CPA6: variants seen among roughly 807,000 people sequenced by gnomAD.
CPA6 encodes carboxypeptidase A6.
In CPA6, 58 loss-of-function variants were observed where a neutral mutation model predicts 63.3. The observed-to-expected ratio is 0.92, with a 90% CI of 0.74 to 1.14. CPA6 has a LOEUF of 1.14. Among genes scored for constraint, CPA6 ranks in the 50% most tolerant of loss-of-function variants. The pLI is 0.00. For synonymous variants in CPA6, 185 were observed against 179.0 expected (o/e 1.03, Z -0.27); for missense variants, 565 against 526.6 (o/e 1.07, Z -0.71).
At chr8:67,458,288 C>T (rs58751464) in intron 8 of CPA6, among the ~76,000 whole-genome samples, 9,987 of 152,122 alleles carry the variant, frequency 0.066, 732 homozygotes, top group African/African-American at 0.18. Flanking sequence ...CCTCCACCTC[C>T]CAGGTTCAAG....
At chr8:67,485,899 A>T (rs1811467137) in intron 6 of CPA6, among the ~76,000 whole-genome samples, 1 of 152,136 alleles carries the variant, frequency 6.6e-6, no homozygotes, top group African/African-American at 2.4e-5. Flanking sequence ...AATTCACCAA[A>T]CTCACACCAT....
At chr8:67,499,684 AATCTG>A (rs1811794207) in intron 6 of CPA6, among the ~76,000 whole-genome samples, 1 of 152,188 alleles carries the variant, frequency 6.6e-6, no homozygotes, top group African/African-American at 2.4e-5. Flanking sequence ...AGCAGTCACT[AATCTG>A]TTCTCCATTT....
At position 67,726,666 on chromosome 8, in the gene CPA6, CA is replaced by C. The variant is rs1344716323; in HGVS notation, c.116+19347del. Among the ~76,000 whole-genome samples, 3 of 152,156 alleles carry C rather than the reference CA, an allele frequency of 2.0e-5. No homozygotes were observed. In the East Asian group the frequency reaches 5.8e-4, roughly 29 times the overall value. Reference sequence around the variant, plus strand: ...TTTAATCATACTGTGATATTGAGACCACTGAAGAATTTCTATTTGAAAATCC... The same window carrying C: ...TTTAATCATACTGTGATATTGAGACCCTGAAGAATTTCTATTTGAAAATCC... On this transcript the variant is annotated intron_variant, in intron 1 of 10. Transcript: ENST00000297770.
intron 10 of CPA6, among the ~76,000 whole-genome samples, chr8:67,425,237 C>A (rs1809857465): frequency 6.6e-6 from 1 of 151,866 alleles, no homozygotes; most frequent in South Asian, 2.1e-4. Context: ...ATACATTTTT[C>A]CTGAAATTTA....
chr8:67,691,456 T>G (rs1816813279), intron 1 of CPA6, among the ~76,000 whole-genome samples: 1 of 152,200 alleles, frequency 6.6e-6, no homozygotes, highest in African/African-American at 2.4e-5. Flanking sequence ...CATTTTTGCC[T>G]TTCTCTTTCC....
intron 2 of CPA6, among the ~76,000 whole-genome samples, chr8:67,541,135 A>AC (rs1241878165): frequency 5.3e-5 from 8 of 151,584 alleles, no homozygotes; most frequent in African/African-American, 1.5e-4. Flanking sequence ...CCAAATGGCC[A>AC]CCCAGTTTTG....
intron 8 of CPA6, among the ~76,000 whole-genome samples, chr8:67,468,637 A>C (rs1810985329): frequency 6.6e-6 from 1 of 151,840 alleles, no homozygotes; most frequent in East Asian, 1.9e-4. Flanking sequence ...AATAATAATA[A>C]GAAAAAGAAA....
rs995834899 is a variant in CPA6, at chr8:67,624,088, A to G, written c.192+88T>C. ...CTTAGCCTTTACTTTCTTGGCTAAT[A>G]AATTCCAATTATTCAACTCCAGTCA... On this transcript the variant is annotated intron_variant, in intron 2 of 10. Transcript: ENST00000297770. 1.6e-5 allele frequency: 12 copies of G among 755,092 alleles called. No homozygotes were observed. In the Admixed American group the frequency reaches 2.8e-4, roughly 18 times the overall value. 46.8% of individuals were successfully genotyped at this position (755,092 alleles called of 1,614,324 possible). A position where few individuals can be genotyped will look rare whatever the true frequency, so the allele number is the denominator to read the frequency against.
rs886063079 is a variant in CPA6, at chr8:67,484,711, T to C, written c.715A>G (p.Asn239Asp). The C allele has an allele frequency of 6.2e-7, 1 of 1,608,532 alleles. No individual in the cohort carries two copies. Among genetic ancestry groups the C allele is most frequent in the Non-Finnish European group, 8.5e-7 (1 of 1,175,164 alleles). The change falls in exon 7 of 11, where the codon AAC becomes GAC. Residue 239 changes from asparagine (N) to aspartate (D), a missense_variant. Physicochemically the swap from Asn to Asp is conservative, Grantham distance 23. Transcript: ENST00000297770. Reference sequence around the variant, plus strand: ...CAACTAAAATGGTATCCATCGACGTTAAACACAGGCATGATATAGAAATAT... The same window carrying C: ...CAACTAAAATGGTATCCATCGACGTCAAACACAGGCATGATATAGAAATAT... ...HLYFYIMPVF[N>D]VDGYHFSWTN...
At chr8:67,709,162 C>T (rs1437738831) in intron 1 of CPA6, among the ~76,000 whole-genome samples, 2 of 152,162 alleles carry the variant, frequency 1.3e-5, no homozygotes, top group Non-Finnish European at 2.9e-5. Flanking sequence ...AGTAAGCACA[C>T]TGCGTATGCG....
chr8:67,698,889 C>T (rs1816962657), intron 1 of CPA6, among the ~76,000 whole-genome samples: 1 of 152,170 alleles, frequency 6.6e-6, no homozygotes, highest in Non-Finnish European at 1.5e-5. Context: ...CTAGTTCCAT[C>T]TTGTTTCCTG....
chr8:67,717,645 C>T (rs1817407730), intron 1 of CPA6, among the ~76,000 whole-genome samples: 1 of 152,142 alleles, frequency 6.6e-6, no homozygotes, highest in South Asian at 2.1e-4. Context: ...AGAGAATGGC[C>T]TCCCAAAAGA....
chr8:67,673,952 G>A (rs886561463), intron 1 of CPA6, among the ~76,000 whole-genome samples: 5 of 151,946 alleles, frequency 3.3e-5, no homozygotes, highest in Non-Finnish European at 7.4e-5. Flanking sequence ...AATGAAGGGA[G>A]GCTGTTTGAG....
intron 8 of CPA6, among the ~76,000 whole-genome samples, chr8:67,456,885 C>G (rs995798420): frequency 1.3e-5 from 2 of 152,192 alleles, no homozygotes; most frequent in African/African-American, 4.8e-5. Flanking sequence ...GAAGAGTGGA[C>G]AGATTCAGAG....
chr8:67,686,074 T>C (rs1292902186), intron 1 of CPA6, among the ~76,000 whole-genome samples: 1 of 152,232 alleles, frequency 6.6e-6, no homozygotes, highest in Non-Finnish European at 1.5e-5. Context: ...GAATAATGCA[T>C]AGCATATAGT....
intron 1 of CPA6, among the ~76,000 whole-genome samples, chr8:67,650,732 T>A (rs1034095026): frequency 6.6e-6 from 1 of 152,106 alleles, no homozygotes; most frequent in Non-Finnish European, 1.5e-5. Flanking sequence ...CTGTCTACGA[T>A]GTTCATATAT....
chr8:67,587,297 T>C (rs112154528), intron 2 of CPA6, among the ~76,000 whole-genome samples: 133 of 152,212 alleles, frequency 8.7e-4, no homozygotes, highest in African/African-American at 3.0e-3. Flanking sequence ...ACTCCTGATG[T>C]GAGTAATACA....
intron 1 of CPA6, among the ~76,000 whole-genome samples, chr8:67,685,338 C>T (rs1436295485): frequency 1.3e-5 from 2 of 152,162 alleles, no homozygotes; most frequent in African/African-American, 4.8e-5. Flanking sequence ...GAATTGCTGG[C>T]CGGGCGCAGT....
At chr8:67,473,602 T>G (rs1811110856) in intron 8 of CPA6, among the ~76,000 whole-genome samples, 1 of 151,390 alleles carries the variant, frequency 6.6e-6, no homozygotes, top group Non-Finnish European at 1.5e-5. Flanking sequence ...TAAGGGGATT[T>G]TATTTTTATT....
Sources: gnomAD v4.1 joint callset for allele counts (sites outside exome capture counted in the v4.1 genomes callset) on GRCh38, gnomAD v4.1.1 for gene constraint, MANE v1.5 for transcripts, NCBI Gene and HGNC (gene_info 2026-07-23, HGNC 2026-07-21) for gene names.